ARID5B: variants seen among roughly 807,000 people sequenced by gnomAD.
ARID5B encodes the protein AT-rich interactive domain-containing protein 5B.
ARID5B carries 13 observed loss-of-function variants against 97.2 expected under a neutral mutation model. The ratio of observed to expected loss-of-function variants is 0.13; its 90% CI spans 0.09 to 0.21. The LOEUF (loss-of-function observed/expected upper bound fraction) is 0.21. Ranked by LOEUF, ARID5B falls within the 10% of genes least tolerant of loss-of-function variation. ARID5B has a pLI of 1.00. For missense variants in ARID5B, 1,210 were observed against 1,465.3 expected, an observed-to-expected ratio of 0.83 and a Z score of 2.84; for synonymous variants, 556 against 570.3, an observed-to-expected ratio of 0.97 and a Z score of 0.36.
chr10:61,972,076 C>A (rs1296874663), intron 3 of ARID5B, among the ~76,000 whole-genome samples: 1 of 151,768 alleles, frequency 6.6e-6, no homozygotes, highest in East Asian at 1.9e-4. Context: ...TAAGACAATA[C>A]AAAGAAACAG....
intron 8 of ARID5B, among the ~76,000 whole-genome samples, chr10:62,079,965 G>T (rs1180655347): frequency 6.6e-6 from 1 of 152,110 alleles, no homozygotes. Flanking sequence ...TAGAATACAG[G>T]TGATGCTAGT....
Position 61,902,147 on chromosome 10 carries a change from C to T in ARID5B, c.22-12C>T, listed in dbSNP as rs370638557. On this transcript the variant is annotated splice_polypyrimidine_tract_variant and intron_variant, in intron 1 of 9. Coordinates refer to ENST00000279873, the MANE Select transcript of ARID5B (RefSeq NM_032199.3). Reference sequence around the variant, plus strand: ...TACATTATTTATTTGGTGTTTTTTTCCCCCCCTGCAGTGGGTCGGCTCACC... The same window carrying T: ...TACATTATTTATTTGGTGTTTTTTTTCCCCCCTGCAGTGGGTCGGCTCACC... 5 of 1,605,580 alleles carry T rather than the reference C, an allele frequency of 3.1e-6. No homozygotes were observed. The East Asian group carries it at 6.7e-5, about 21-fold the overall frequency.
chr10:61,993,084 T>C (rs1231273263), intron 3 of ARID5B, among the ~76,000 whole-genome samples: 2 of 151,528 alleles, frequency 1.3e-5, no homozygotes, highest in South Asian at 2.1e-4. Flanking sequence ...TGTTTTGGCA[T>C]GCCTCCAATT....
intron 3 of ARID5B, among the ~76,000 whole-genome samples, chr10:61,965,393 G>A (rs559984682): frequency 3.9e-5 from 6 of 152,134 alleles, no homozygotes; most frequent in South Asian, 4.1e-4. Context: ...GAGGAGGAAC[G>A]GTTATTTTTA....
chr10:61,947,089 A>G (rs1589230245), intron 3 of ARID5B, among the ~76,000 whole-genome samples: 1 of 152,230 alleles, frequency 6.6e-6, no homozygotes, highest in East Asian at 1.9e-4. Flanking sequence ...ATCATAGCCC[A>G]ATTAACATTG....
intron 4 of ARID5B, among the ~76,000 whole-genome samples, chr10:62,011,657 C>T (rs1589257354): frequency 1.3e-5 from 2 of 152,200 alleles, no homozygotes; most frequent in South Asian, 2.1e-4. Flanking sequence ...CAAGAAGATG[C>T]CTCATACTTT....
At chr10:61,930,547 C>T (rs1182478875) in intron 2 of ARID5B, among the ~76,000 whole-genome samples, 2 of 151,588 alleles carry the variant, frequency 1.3e-5, no homozygotes, top group Admixed American at 6.6e-5. Flanking sequence ...GGTGAAACTC[C>T]GTCTCTACTA....
At chr10:61,954,525 A>G (rs1838365507) in intron 3 of ARID5B, among the ~76,000 whole-genome samples, 1 of 152,196 alleles carries the variant, frequency 6.6e-6, no homozygotes, top group Non-Finnish European at 1.5e-5. Flanking sequence ...ATTTCGTGCC[A>G]GGAATTCAGA....
chr10:61,926,871 G>A (rs1443380425), intron 2 of ARID5B, among the ~76,000 whole-genome samples: 3 of 152,074 alleles, frequency 2.0e-5, no homozygotes, highest in African/African-American at 2.4e-5. Flanking sequence ...TGATCTGCCC[G>A]CCTCGGCCTC....
Position 62,091,845 on chromosome 10 carries a change from C to G in ARID5B, c.2382C>G (p.Asn794Lys), listed in dbSNP as rs889585407. The part of the protein sequence containing the change: ...HRCSFSKHHL[N>K]PLADSYVLKQ... ...GCAGCTTCTCCAAGCATCACCTTAACCCCCTTGCTGACTCCTACGTCCTGA... is the reference window on the plus strand; with the variant it reads ...GCAGCTTCTCCAAGCATCACCTTAAGCCCCTTGCTGACTCCTACGTCCTGA... The change falls in exon 10 of 10, where the codon AAC (asparagine) becomes AAG (lysine). Residue 794 changes from asparagine (N) to lysine (K), a missense_variant. Asn to Lys is a moderately conservative substitution (Grantham distance 94). Around this residue, in one of 8 missense-constraint regions of ARID5B, gnomAD observed 800 missense variants for 839.1 expected, o/e 0.95. Transcript: ENST00000279873. The G allele has an allele frequency of 6.2e-7, 1 of 1,614,160 alleles. No homozygotes were observed. Among genetic ancestry groups the G allele is most frequent in the Non-Finnish European group, 8.5e-7 (1 of 1,180,024 alleles).
chr10:61,997,646 T>C (rs1839019623), intron 3 of ARID5B, among the ~76,000 whole-genome samples: 1 of 152,190 alleles, frequency 6.6e-6, no homozygotes, highest in Non-Finnish European at 1.5e-5. Flanking sequence ...GTATTTACTA[T>C]GTATGGGAGA....
chr10:61,991,562 C>G (rs1838925811), intron 3 of ARID5B, among the ~76,000 whole-genome samples: 1 of 152,080 alleles, frequency 6.6e-6, no homozygotes, highest in African/African-American at 2.4e-5. Context: ...TTTATGTATT[C>G]TAGTTATTAA....
chr10:62,028,262 G>A (rs1173126021), intron 4 of ARID5B, among the ~76,000 whole-genome samples: 1 of 152,194 alleles, frequency 6.6e-6, no homozygotes, highest in African/African-American at 2.4e-5. Flanking sequence ...AAGAATGAAC[G>A]AGCTTGGGCT....
rs1352628144 is a variant in ARID5B, at chr10:62,015,534, G to T, written c.733+15213G>T. 2.0e-5 allele frequency among the ~76,000 whole-genome samples: 3 copies of T among 152,174 alleles called. No homozygotes were observed. The South Asian group carries it at 6.2e-4, about 32-fold the overall frequency. ...GGACTTTTGTCAAATATATACAGCA[G>T]TGCTCCTATGGGGGAAACCGAGTAC... is the stretch of plus-strand genomic sequence containing the variant. On this transcript the variant is annotated intron_variant, in intron 4 of 9. Coordinates refer to ENST00000279873, the MANE Select transcript of ARID5B (RefSeq NM_032199.3).
At chr10:62,057,376 G>C in intron 6 of ARID5B, 58 bp downstream of exon 6, 2 of 1,516,152 alleles carry the variant, frequency 1.3e-6, no homozygotes, top group Admixed American at 1.9e-5. Flanking sequence ...CTTTGAATTG[G>C]AAAAAATAAT....
intron 3 of ARID5B, among the ~76,000 whole-genome samples, chr10:61,977,831 T>C (rs1332521251): frequency 6.6e-6 from 1 of 152,236 alleles, no homozygotes; most frequent in East Asian, 1.9e-4. Flanking sequence ...CTGATGGTAG[T>C]TTCTTTTGCT....
intron 3 of ARID5B, among the ~76,000 whole-genome samples, chr10:61,948,780 C>T (rs988530119): frequency 1.3e-5 from 2 of 152,292 alleles, no homozygotes; most frequent in East Asian, 3.9e-4. Flanking sequence ...TGATCCATTA[C>T]GCATGGCCAG....
At chr10:62,066,450 G>A (rs1047969025) in intron 7 of ARID5B, among the ~76,000 whole-genome samples, 7 of 152,216 alleles carry the variant, frequency 4.6e-5, no homozygotes, top group Non-Finnish European at 8.8e-5. Flanking sequence ...AGGCCATTCA[G>A]TGGAAGCTCA....
chr10:62,096,864 C>A lies in ARID5B; in HGVS notation c.*3834C>A. 4.3e-6 allele frequency: 1 copy of A among 233,530 alleles called. No individual in the cohort carries two copies. Among genetic ancestry groups the A allele is most frequent in the Non-Finnish European group, 8.5e-6 (1 of 117,980 alleles). 14.5% of individuals were successfully genotyped at this position (233,530 alleles called of 1,614,324 possible). ...ATACTGTATTACGTGCCAATAGTTT[C>A]CCAATCACATAGCAGGCAAGAGATA... On this transcript the variant is annotated 3_prime_UTR_variant, in exon 10 of 10. Coordinates refer to ENST00000279873, the MANE Select transcript of ARID5B (RefSeq NM_032199.3).
Sources: gnomAD v4.1 joint callset for allele counts (sites outside exome capture counted in the v4.1 genomes callset) on GRCh38, gnomAD v4.1.1 for gene constraint, gnomAD v4.1.1 regional missense constraint, MANE v1.5 for transcripts, NCBI Gene and HGNC (gene_info 2026-07-23, HGNC 2026-07-21) for gene names.